Variants in EFCAB5 observed in about 807,000 individuals in gnomAD.
EFCAB5 encodes the protein EF-hand calcium binding domain 5.
Under a neutral mutation model 167.9 loss-of-function variants are expected in EFCAB5, and 131 were observed. That is an observed-to-expected ratio of 0.78 (90% CI 0.68 to 0.90). EFCAB5 has a LOEUF of 0.90. EFCAB5 is among the 40% of genes least tolerant of loss of function. EFCAB5 has a pLI of 0.00. For missense variants in EFCAB5, 1,663 were observed against 1,745.2 expected (o/e 0.95, Z 0.84); for synonymous variants, 574 against 602.8 (o/e 0.95, Z 0.70).
At chr17:30,042,107 C>T (rs999251852) in intron 8 of EFCAB5, among the ~76,000 whole-genome samples, 2 of 152,008 alleles carry the variant, frequency 1.3e-5, no homozygotes, top group Admixed American at 1.3e-4. Context: ...TGCCTAAGTT[C>T]AAGTGATTCT....
intron 3 of EFCAB5, among the ~76,000 whole-genome samples, chr17:29,964,410 T>C (rs1385455765): frequency 6.6e-6 from 1 of 152,078 alleles, no homozygotes; most frequent in African/African-American, 2.4e-5. Context: ...TTCTCCTGCC[T>C]CAGCCTCCCA....
At chr17:30,080,008 G>C in intron 15 of EFCAB5, 64 bp from the exon 16 acceptor site, 1 of 1,528,330 alleles carries the variant, frequency 6.5e-7, no homozygotes, top group Non-Finnish European at 8.8e-7. Context: ...ACTAGTAAGG[G>C]GGACATGATT....
intron 22 of EFCAB5, among the ~76,000 whole-genome samples, chr17:30,093,796 A>T (rs1285900173): frequency 6.6e-6 from 1 of 152,218 alleles, no homozygotes; most frequent in African/African-American, 2.4e-5. Flanking sequence ...TGTTAACCAC[A>T]GTCTCCGCAG....
At chr17:30,011,057 CT>C (rs925909303) in intron 7 of EFCAB5, among the ~76,000 whole-genome samples, 5 of 152,130 alleles carry the variant, frequency 3.3e-5, no homozygotes, top group Non-Finnish European at 7.4e-5. Context: ...ATAGGGAATC[CT>C]TTCCCCATTT....
chr17:30,066,743 A>C (rs1471891412), intron 14 of EFCAB5, among the ~76,000 whole-genome samples: 1 of 152,186 alleles, frequency 6.6e-6, no homozygotes, highest in Non-Finnish European at 1.5e-5. Flanking sequence ...GGTTTTGTAA[A>C]AGATAAACCA....
intron 8 of EFCAB5, among the ~76,000 whole-genome samples, chr17:30,039,052 G>C (rs777852567): frequency 1.3e-5 from 2 of 152,072 alleles, no homozygotes; most frequent in African/African-American, 4.8e-5. Context: ...CTGCGGTGCC[G>C]AGTCTGTGCA....
At chr17:30,024,620 A>T (rs905688485) in intron 7 of EFCAB5, among the ~76,000 whole-genome samples, 7 of 151,952 alleles carry the variant, frequency 4.6e-5, no homozygotes, top group Non-Finnish European at 8.8e-5. Context: ...AAGGTAATTT[A>T]TAGATTCAAT....
chr17:30,048,056 A>G lies in EFCAB5; in HGVS notation c.1201-3062A>G, dbSNP rs144991357. Among the ~76,000 whole-genome samples the G allele has an allele frequency of 6.3e-3, 956 of 152,344 alleles. 3 individuals carry two copies. The highest frequency in any genetic ancestry group is 0.011 in the Non-Finnish European group (733 of 68,018). On this transcript the variant is annotated intron_variant, in intron 8 of 22. Coordinates refer to ENST00000394835, the MANE Select transcript of EFCAB5 (RefSeq NM_198529.4). The stretch of plus-strand genomic sequence containing the variant: ...AGATATTGATTCCAAGTTAACATCA[A>G]TTCCTAGGATCCCAAAACACTCCCG...
At chr17:29,955,803 A>G (rs1014099609) in intron 3 of EFCAB5, among the ~76,000 whole-genome samples, 1 of 64 alleles carries the variant, frequency 0.016, no homozygotes, top group Admixed American at 0.17. Context: ...CACAGAACTA[A>G]AAAAAAAAAA....
chr17:29,995,124 T>C (rs1341391182), intron 5 of EFCAB5, among the ~76,000 whole-genome samples: 1 of 152,226 alleles, frequency 6.6e-6, no homozygotes, highest in Admixed American at 6.5e-5. Flanking sequence ...ATAGTTCTTC[T>C]ACCTTAGCCT....
At chr17:30,011,170 G>A (rs1027341185) in intron 7 of EFCAB5, among the ~76,000 whole-genome samples, 3 of 152,132 alleles carry the variant, frequency 2.0e-5, no homozygotes, top group Non-Finnish European at 2.9e-5. Context: ...CTATATATCT[G>A]TTTTGGTACC....
Position 30,069,284 on chromosome 17 carries a change from G to T in EFCAB5, c.2738-8931G>T, listed in dbSNP as rs1384562725. 12 of 1,492,046 alleles carry T rather than the reference G, an allele frequency of 8.0e-6. No individual in the cohort carries two copies. In the East Asian group the frequency reaches 2.5e-4, roughly 31 times the overall value. The allele number at this position is 1,492,046 out of a possible 1,614,324, so 92.4% of individuals were successfully genotyped here. A position where few individuals can be genotyped will look rare whatever the true frequency, so the allele number is the denominator to read the frequency against. ...ACAACCTGAATTGGGAACATGGGGA[G>T]ATGGCAAAGGTGAAGATGAGTTATC... On this transcript the variant is annotated intron_variant, in intron 14 of 22. Coordinates refer to ENST00000394835, the MANE Select transcript of EFCAB5 (RefSeq NM_198529.4).
At chr17:30,072,196 A>T (rs1341489489) in intron 14 of EFCAB5, among the ~76,000 whole-genome samples, 2 of 152,228 alleles carry the variant, frequency 1.3e-5, no homozygotes, top group African/African-American at 2.4e-5. Flanking sequence ...GGTGATGAAT[A>T]TGCTCATTAT....
At chr17:30,094,507 CAAAAAAAAAAAAAAAAAA>C (rs57885339) in intron 22 of EFCAB5, among the ~76,000 whole-genome samples, 2 of 40,706 alleles carry the variant, frequency 4.9e-5, no homozygotes, top group African/African-American at 6.6e-5. Flanking sequence ...CTTGTCTCTC[CAAAAAAAAAAAAAAAAAA>C]AAAAAAAAAT....
intron 3 of EFCAB5, among the ~76,000 whole-genome samples, chr17:29,963,686 T>C (rs1309396111): frequency 6.6e-6 from 1 of 152,206 alleles, no homozygotes; most frequent in African/African-American, 2.4e-5. Context: ...GACTTTTCTT[T>C]GTTGGGAAGT....
chr17:30,083,746 G>A (rs1260867933), intron 18 of EFCAB5, among the ~76,000 whole-genome samples: 3 of 152,296 alleles, frequency 2.0e-5, no homozygotes, highest in Non-Finnish European at 2.9e-5. Flanking sequence ...GAGCCACAGT[G>A]CCCGGCCAGA....
intron 7 of EFCAB5, among the ~76,000 whole-genome samples, chr17:30,013,671 C>A (rs1381605505): frequency 6.6e-6 from 1 of 151,892 alleles, no homozygotes; most frequent in African/African-American, 2.4e-5. Flanking sequence ...TTTTTTATTG[C>A]GTCTATTTGA....
At chr17:30,088,416 C>T (rs2151844917) in intron 19 of EFCAB5, among the ~76,000 whole-genome samples, 1 of 152,128 alleles carries the variant, frequency 6.6e-6, no homozygotes, top group South Asian at 2.1e-4. Flanking sequence ...GTTTTATTTT[C>T]CATGAATTTC....
chr17:30,027,610 T>A (rs1025374878), intron 7 of EFCAB5, among the ~76,000 whole-genome samples: 4 of 152,036 alleles, frequency 2.6e-5, no homozygotes, highest in African/African-American at 9.7e-5. Context: ...GATTATACCA[T>A]CGGCATGCAT....
Sources: gnomAD v4.1 joint callset for allele counts (sites outside exome capture counted in the v4.1 genomes callset) on GRCh38, gnomAD v4.1.1 for gene constraint, MANE v1.5 for transcripts, NCBI Gene and HGNC (gene_info 2026-07-23, HGNC 2026-07-21) for gene names.